TIAM2: variants seen among roughly 807,000 people sequenced by gnomAD.
The protein encoded by TIAM2 is rho guanine nucleotide exchange factor TIAM2.
A neutral mutation model predicts 152.9 loss-of-function variants in TIAM2; 80 were observed. That is an observed-to-expected ratio of 0.52 (90% confidence interval 0.44 to 0.63). The LOEUF (loss-of-function observed/expected upper bound fraction) is 0.63, where lower values mean the gene tolerates loss of function less well. TIAM2 is among the 30% of genes least tolerant of loss of function. The pLI is 0.00. For missense variants in TIAM2, 1,965 were observed against 2,120.1 expected (o/e 0.93, Z 1.44); for synonymous variants, 804 against 838.0 (o/e 0.96, Z 0.70).
chr6:155,080,253 G>A (rs1778034483), intron 1 of TIAM2, among the ~76,000 whole-genome samples: 1 of 152,044 alleles, frequency 6.6e-6, no homozygotes, highest in African/African-American at 2.4e-5. Flanking sequence ...GGCCTTCTCG[G>A]TGGGCTGGTG....
intron 1 of TIAM2, among the ~76,000 whole-genome samples, chr6:155,042,903 TCTC>T (rs1020301563): frequency 6.6e-6 from 1 of 152,156 alleles, no homozygotes; most frequent in African/African-American, 2.4e-5. Context: ...TTGAGCACCA[TCTC>T]CTCAATCTTC....
chr6:155,040,108 A>G (rs1180461818), intron 1 of TIAM2, among the ~76,000 whole-genome samples: 1 of 152,222 alleles, frequency 6.6e-6, no homozygotes, highest in East Asian at 1.9e-4. Context: ...CTGAGAAATT[A>G]TATGAAATTT....
In TIAM2 at chr6:155,168,349, AATTTATTT is replaced by A. The variant is rs34392123; in HGVS notation, c.2361+2961_2361+2968del. Among the ~76,000 whole-genome samples, 194 of 151,896 alleles carry A rather than the reference AATTTATTT, an allele frequency of 1.3e-3. 1 individual carries two copies. The highest frequency in any genetic ancestry group is 2.0e-3 in the Non-Finnish European group (139 of 67,922). ...TTTGGTTAAAAGCATATCAAGAATG[AATTTATTT>A]ATTTATTTATTTATTTATTTGATAC... On this transcript the variant is annotated intron_variant, in intron 9 of 26. Transcript: ENST00000682666.
At chr6:155,140,742 A>ATCTT (rs1779681011) in intron 5 of TIAM2, among the ~76,000 whole-genome samples, 1 of 152,208 alleles carries the variant, frequency 6.6e-6, no homozygotes. Context: ...GGTGAGAGTG[A>ATCTT]ACAGCAGTGT....
At chr6:155,104,335 A>G (rs1276365586) in intron 2 of TIAM2, among the ~76,000 whole-genome samples, 1 of 152,044 alleles carries the variant, frequency 6.6e-6, no homozygotes, top group Admixed American at 6.6e-5. Flanking sequence ...GTTCACATTA[A>G]CATTTTTTCT....
In TIAM2 at chr6:155,047,716, AGAGAGAGAGC is replaced by A. The variant is rs1562300244; in HGVS notation, c.-208-42563_-208-42554del. Reference sequence around the variant, plus strand: ...GAGAGAGAGAGAGAGCGAGAGAGAGAGAGAGAGAGCGAGAGAGAGAGAGAGAGAGCGAGCG... The same window carrying A: ...GAGAGAGAGAGAGAGCGAGAGAGAGAGAGAGAGAGAGAGAGAGAGCGAGCG... On this transcript the variant is annotated intron_variant, in intron 1 of 26. Transcript: ENST00000682666. 8.3e-4 allele frequency among the ~76,000 whole-genome samples: 114 copies of A among 136,618 alleles called. 2 individuals carry two copies. Among genetic ancestry groups the A allele is most frequent in the African/African-American group, 2.2e-3 (80 of 36,752 alleles). The allele number at this position is 136,618 out of a possible 152,430, so 89.6% of individuals were successfully genotyped here.
intron 9 of TIAM2, among the ~76,000 whole-genome samples, chr6:155,173,769 G>A (rs1043326704): frequency 6.6e-5 from 10 of 152,232 alleles, no homozygotes; most frequent in Admixed American, 6.5e-5. Flanking sequence ...TGACTCTCCT[G>A]TGAGCTGGGC....
intron 1 of TIAM2, among the ~76,000 whole-genome samples, chr6:155,047,772 A>AC (rs1777231645): frequency 6.8e-6 from 1 of 147,134 alleles, no homozygotes; most frequent in African/African-American, 2.5e-5. Flanking sequence ...TTGAGTGAGG[A>AC]CCCCCAGGTG....
chr6:155,020,046 C>G (rs538274781), intron 1 of TIAM2, among the ~76,000 whole-genome samples: 1 of 151,034 alleles, frequency 6.6e-6, no homozygotes, highest in Non-Finnish European at 1.5e-5. Context: ...AGTGATACTC[C>G]GTCTGCAAAA....
At chr6:155,168,217 A>G (rs996876251) in intron 9 of TIAM2, among the ~76,000 whole-genome samples, 4 of 152,216 alleles carry the variant, frequency 2.6e-5, no homozygotes, top group Admixed American at 2.6e-4. Context: ...AACCACTTTT[A>G]ACATTTAGCT....
intron 1 of TIAM2, among the ~76,000 whole-genome samples, chr6:155,077,897 G>T: frequency 6.6e-6 from 1 of 152,290 alleles, no homozygotes; most frequent in South Asian, 2.1e-4. Flanking sequence ...GCATTCTTAT[G>T]AATGAGCTCT....
intron 1 of TIAM2, among the ~76,000 whole-genome samples, chr6:154,996,554 C>T (rs866942177): frequency 1.3e-5 from 2 of 152,126 alleles, no homozygotes; most frequent in African/African-American, 2.4e-5. Context: ...CAGACAACAC[C>T]GGCTATCTCC....
In TIAM2 at chr6:155,183,966, ACTTT is replaced by A. The variant is rs543406338; in HGVS notation, c.3064+471_3064+474del. Among the ~76,000 whole-genome samples, 161 of 152,028 alleles carry A rather than the reference ACTTT, an allele frequency of 1.1e-3. 1 individual carries two copies. Among genetic ancestry groups the A allele is most frequent in the Non-Finnish European group, 1.9e-3 (127 of 68,006 alleles). On this transcript the variant is annotated intron_variant, in intron 14 of 26. Coordinates refer to ENST00000682666, the MANE Select transcript of TIAM2 (RefSeq NM_012454.4). ...GTACTACTTTATTAATAAACAGCAA[ACTTT>A]CTTTTTTAAAATTTATTTTTATTTT...
At chr6:155,254,692 T>C in intron 26 of TIAM2, 119 bp downstream of exon 26, 4 of 1,326,668 alleles carry the variant, frequency 3.0e-6, no homozygotes, top group Non-Finnish European at 4.1e-6. Context: ...GGTACCTTTA[T>C]CTCCTTTTAA....
At chr6:155,064,551 G>C (rs772048880) in intron 1 of TIAM2, among the ~76,000 whole-genome samples, 1 of 152,212 alleles carries the variant, frequency 6.6e-6, no homozygotes, top group Non-Finnish European at 1.5e-5. Flanking sequence ...CGGCACCACA[G>C]GAGGTGTCTT....
intron 1 of TIAM2, among the ~76,000 whole-genome samples, chr6:155,012,843 G>A (rs1463651760): frequency 6.6e-6 from 1 of 152,208 alleles, no homozygotes; most frequent in East Asian, 1.9e-4. Context: ...GAGCCACTAT[G>A]CCCCATCCTC....
At chr6:155,002,309 G>A (rs946774116) in intron 1 of TIAM2, among the ~76,000 whole-genome samples, 6 of 152,158 alleles carry the variant, frequency 3.9e-5, no homozygotes, top group African/African-American at 1.4e-4. Flanking sequence ...TACTAAGGAG[G>A]CTGAGATGGG....
At chr6:155,050,995 T>C (rs997049506) in intron 1 of TIAM2, among the ~76,000 whole-genome samples, 88 of 152,304 alleles carry the variant, frequency 5.8e-4, no homozygotes, top group African/African-American at 2.0e-3. Context: ...TTTCTTTTTC[T>C]GCATCCTGAG....
chr6:155,085,506 C>G (rs370275567), intron 1 of TIAM2, among the ~76,000 whole-genome samples: 4 of 151,930 alleles, frequency 2.6e-5, no homozygotes, highest in Admixed American at 6.6e-5. Flanking sequence ...TTCACCCAGT[C>G]CTTGGCAGTA....
Sources: allele counts gnomAD v4.1 joint callset (sites outside exome capture counted in the v4.1 genomes callset), GRCh38; gene constraint gnomAD v4.1.1; transcripts MANE v1.5; gene names NCBI Gene and HGNC (gene_info 2026-07-23, HGNC 2026-07-21).